The following GRB10 variants were observed in gnomAD, a reference collection of about 807,000 sequenced individuals.
GRB10 encodes growth factor receptor-bound protein 10.
In GRB10, 20 loss-of-function variants were observed where a neutral mutation model predicts 80.9. That is an observed-to-expected ratio of 0.25 (90% CI 0.17 to 0.36). The LOEUF (loss-of-function observed/expected upper bound fraction) is 0.36. Ranked by LOEUF, GRB10 falls within the 10% of genes least tolerant of loss-of-function variation. The pLI is 1.00. For synonymous variants in GRB10, 291 were observed against 291.5 expected (o/e 1.00, Z 0.02); for missense variants, 548 against 747.7 (o/e 0.73, Z 3.12).
chr7:50,698,046 T>C (rs2063672997), intron 5 of GRB10, among the ~76,000 whole-genome samples: 1 of 152,252 alleles, frequency 6.6e-6, no homozygotes, highest in Admixed American at 6.5e-5. Context: ...GTTTCCATTT[T>C]TCTTGTGAAA....
At chr7:50,624,950 C>T (rs1020352924) in intron 8 of GRB10, among the ~76,000 whole-genome samples, 2 of 151,522 alleles carry the variant, frequency 1.3e-5, no homozygotes, top group Non-Finnish European at 2.9e-5. Context: ...AGTGTCATCG[C>T]CCACTAGAAT....
At chr7:50,595,554 T>G in intron 17 of GRB10, 24 bp from the exon 18 acceptor site, 1 of 1,310,024 alleles carries the variant, frequency 7.6e-7, no homozygotes, top group African/African-American at 1.5e-5. Flanking sequence ...AATAGTTGAT[T>G]GCTAAAATAT....
chr7:50,652,896 T>C (rs1409186139), intron 7 of GRB10, among the ~76,000 whole-genome samples: 1 of 152,208 alleles, frequency 6.6e-6, no homozygotes, highest in Admixed American at 6.5e-5. Context: ...AATGGCCCAG[T>C]CTTCTTTGGA....
In GRB10 at chr7:50,695,734, T is replaced by C. The variant is rs143548089; in HGVS notation, c.139+8087A>G. Among the ~76,000 whole-genome samples the C allele has an allele frequency of 1.4e-4, 21 of 152,328 alleles. No homozygotes were observed. In the East Asian group the frequency reaches 4.0e-3, roughly 29 times the overall value. On this transcript the variant is annotated intron_variant, in intron 5 of 18. Coordinates refer to ENST00000401949, the MANE Select transcript of GRB10 (RefSeq NM_001350814.2). ...TGTTCCTTCCTGTCTGCTATAGGTT[T>C]AGATAATAAACATTCAAAGTTCTGT...
rs2051126417 is a variant in GRB10, at chr7:50,618,851, T to C, written c.777+319A>G. The stretch of plus-strand genomic sequence containing the variant: ...ATGAGTTTTTCTTCTGCTAAGTGTT[T>C]GATCAGTTCAACTGAGAACTTTCAA... On this transcript the variant is annotated intron_variant, in intron 9 of 18. Coordinates refer to ENST00000401949, the MANE Select transcript of GRB10 (RefSeq NM_001350814.2). 2.0e-5 allele frequency among the ~76,000 whole-genome samples: 3 copies of C among 152,260 alleles called. No individual in the cohort carries two copies. In the South Asian group the frequency reaches 6.2e-4, roughly 31 times the overall value.
At chr7:50,666,352 G>A (rs182141352) in intron 7 of GRB10, among the ~76,000 whole-genome samples, 2 of 152,288 alleles carry the variant, frequency 1.3e-5, no homozygotes, top group Admixed American at 6.5e-5. Context: ...AGAGGGAGGC[G>A]GCATTGGAGG....
rs116820375 is a variant in GRB10 at position 50,603,904 on chromosome 7, G to A, written c.1544+94C>T. 4.2e-4 allele frequency: 446 copies of A among 1,060,582 alleles called. 4 individuals are homozygous for A. In the African/African-American group the frequency reaches 5.6e-3, roughly 13 times the overall value. The allele number at this position is 1,060,582 out of a possible 1,614,324, so 65.7% of individuals were successfully genotyped here. A position where few individuals can be genotyped will look rare whatever the true frequency, so the allele number is the denominator to read the frequency against. On this transcript the variant is annotated intron_variant, in intron 17 of 18. Transcript: ENST00000401949. The stretch of plus-strand genomic sequence containing the variant: ...TAAAATGAGGACAAAACTGCTGCCT[G>A]TCCAGCAAGGATGTCTGAGGAATTA...
intron 4 of GRB10, among the ~76,000 whole-genome samples, chr7:50,718,074 T>C (rs753329105): frequency 1.4e-4 from 22 of 152,100 alleles, no homozygotes; most frequent in Non-Finnish European, 2.9e-4. Context: ...TCCAGCCCAC[T>C]GACTAAGTGC....
At chr7:50,614,936 C>A in intron 11 of GRB10, 56 bp from the exon 12 acceptor site, 1 of 1,119,686 alleles carries the variant, frequency 8.9e-7, no homozygotes, top group South Asian at 1.2e-5. Flanking sequence ...CAAATGTGTT[C>A]ACCTCTGGTA....
chr7:50,732,208 A>G, intron 4 of GRB10, 64 bp downstream of exon 4: 1 of 1,508,206 alleles, frequency 6.6e-7, no homozygotes, highest in Non-Finnish European at 9.2e-7. Flanking sequence ...TGCTGGCGAC[A>G]TGTGTGCCCT....
chr7:50,678,722 C>T (rs1042531685), intron 5 of GRB10, among the ~76,000 whole-genome samples: 8 of 152,226 alleles, frequency 5.3e-5, no homozygotes, highest in African/African-American at 1.9e-4. Flanking sequence ...TGAGTTCTTA[C>T]AAGCATCCCT....
At chr7:50,684,622 C>T (rs2061911534) in intron 5 of GRB10, among the ~76,000 whole-genome samples, 1 of 152,172 alleles carries the variant, frequency 6.6e-6, no homozygotes, top group Non-Finnish European at 1.5e-5. Flanking sequence ...CAAAACATTA[C>T]AGCCTGCCCA....
At chr7:50,775,310 G>C (rs1021808102) in intron 2 of GRB10, among the ~76,000 whole-genome samples, 7 of 152,166 alleles carry the variant, frequency 4.6e-5, no homozygotes, top group African/African-American at 1.2e-4. Context: ...GGTAAGGCTG[G>C]AGAATAAATC....
intron 4 of GRB10, among the ~76,000 whole-genome samples, chr7:50,724,913 A>G (rs2068350346): frequency 6.6e-6 from 1 of 152,174 alleles, no homozygotes; most frequent in African/African-American, 2.4e-5. Flanking sequence ...GACTCTGTGC[A>G]AAGAAAACAG....
chr7:50,618,726 G>A (rs566844655), intron 9 of GRB10, among the ~76,000 whole-genome samples: 53 of 152,346 alleles, frequency 3.5e-4, no homozygotes, highest in African/African-American at 1.2e-3. Flanking sequence ...AGAAAAGAGA[G>A]ATCAAGGTGA....
intron 14 of GRB10, 84 bp from the exon 15 acceptor site, chr7:50,605,490 C>A: frequency 8.9e-7 from 1 of 1,129,612 alleles, no homozygotes; most frequent in South Asian, 1.2e-5. Context: ...TCAAGACGGT[C>A]AGGAAAGGGG....
intron 5 of GRB10, among the ~76,000 whole-genome samples, chr7:50,678,064 C>A (rs1563408011): frequency 6.6e-6 from 1 of 152,218 alleles, no homozygotes; most frequent in Non-Finnish European, 1.5e-5. Context: ...TTCCTAACAG[C>A]CCCTTGGCTG....
chr7:50,731,135 G>C (rs2153691829), intron 4 of GRB10, among the ~76,000 whole-genome samples: 1 of 152,272 alleles, frequency 6.6e-6, no homozygotes, highest in South Asian at 2.1e-4. Flanking sequence ...CTGTTCCAGA[G>C]CTCACAAACT....
chr7:50,697,465 A>G (rs2063582415), intron 5 of GRB10, among the ~76,000 whole-genome samples: 1 of 152,226 alleles, frequency 6.6e-6, no homozygotes, highest in Non-Finnish European at 1.5e-5. Context: ...AGCTGCTTAC[A>G]TTAGTTAGGA....
Sources: allele counts gnomAD v4.1 joint callset (sites outside exome capture counted in the v4.1 genomes callset), GRCh38; gene constraint gnomAD v4.1.1; transcripts MANE v1.5; gene names NCBI Gene and HGNC (gene_info 2026-07-23, HGNC 2026-07-21).